The following DPM1 variants were observed in gnomAD, a reference collection of about 807,000 sequenced individuals.
DPM1 encodes the protein dolichyl-phosphate mannosyltransferase subunit 1, catalytic, also known as dolichol-phosphate mannosyltransferase subunit 1.
DPM1 carries 27 observed loss-of-function variants against 39.0 expected under a neutral mutation model. The ratio of observed to expected loss-of-function variants is 0.69; its 90% confidence interval spans 0.51 to 0.95. The LOEUF (loss-of-function observed/expected upper bound fraction) is 0.95. Ranked by LOEUF, DPM1 falls within the 40% of genes least tolerant of loss-of-function variation. The pLI, the probability that DPM1 is intolerant of heterozygous loss-of-function variation, is 0.00. For missense variants in DPM1, 307 were observed against 315.6 expected (o/e 0.97, Z 0.21); for synonymous variants, 124 against 109.0 (o/e 1.14, Z -0.86).
At chr20:50,955,752 A>G (rs1259920484) in intron 1 of DPM1, among the ~76,000 whole-genome samples, 1 of 152,046 alleles carries the variant, frequency 6.6e-6, no homozygotes, top group Non-Finnish European at 1.5e-5. Context: ...TTTAGTAGAG[A>G]CGGGGTTTCA....
intron 2 of DPM1, among the ~76,000 whole-genome samples, chr20:50,949,363 C>A (rs1285294755): frequency 6.6e-6 from 1 of 152,042 alleles, no homozygotes; most frequent in Admixed American, 6.6e-5. Flanking sequence ...TCTCGATTCC[C>A]TTTGGGTTTT....
intron 3 of DPM1, among the ~76,000 whole-genome samples, chr20:50,946,951 G>A (rs570791705): frequency 1.3e-5 from 2 of 152,322 alleles, no homozygotes; most frequent in East Asian, 3.9e-4. Flanking sequence ...GCTCACGCTT[G>A]TAATCCCAGC....
At chr20:50,950,824 A>G (rs1481014849) in intron 2 of DPM1, among the ~76,000 whole-genome samples, 1 of 152,154 alleles carries the variant, frequency 6.6e-6, no homozygotes, top group Non-Finnish European at 1.5e-5. Context: ...AGCTGAGATC[A>G]CACCACAGCA....
chr20:50,947,389 A>G (rs1747345956), intron 3 of DPM1, among the ~76,000 whole-genome samples: 1 of 152,172 alleles, frequency 6.6e-6, no homozygotes, highest in Non-Finnish European at 1.5e-5. Flanking sequence ...AGGAGTGAAT[A>G]TTTACACTTT....
intron 3 of DPM1, among the ~76,000 whole-genome samples, chr20:50,948,109 C>T (rs1347342744): frequency 5.3e-5 from 8 of 152,134 alleles, no homozygotes; most frequent in Admixed American, 3.9e-4. Context: ...TTGGGAGGTA[C>T]AGGTGGAAGA....
intron 1 of DPM1, among the ~76,000 whole-genome samples, chr20:50,956,871 A>G (rs1322262319): frequency 6.6e-6 from 1 of 152,226 alleles, no homozygotes; most frequent in African/African-American, 2.4e-5. Context: ...AGGCAGCTCA[A>G]AGGTACCAAG....
chr20:50,939,228 A>G (rs1985491394), intron 7 of DPM1, among the ~76,000 whole-genome samples: 1 of 152,072 alleles, frequency 6.6e-6, no homozygotes, highest in Non-Finnish European at 1.5e-5. Context: ...ACTAGTTACC[A>G]GTTACCCTAG....
At chr20:50,943,283 C>T (rs1341237228) in intron 5 of DPM1, among the ~76,000 whole-genome samples, 1 of 152,254 alleles carries the variant, frequency 6.6e-6, no homozygotes, top group Non-Finnish European at 1.5e-5. Flanking sequence ...ATATTCAACT[C>T]ACACACCTCT....
rs756104891 is a variant in DPM1, at chr20:50,958,516, G to A, written c.8C>T (p.Ser3Phe). The A allele has an allele frequency of 6.8e-6, 11 of 1,613,736 alleles. No homozygotes were observed. In the South Asian group the frequency reaches 7.7e-5, roughly 11 times the overall value. Residue 3 changes from serine to phenylalanine, a missense_variant, in exon 1 of 9, where the codon TCC becomes TTC. Physicochemically the swap from Ser to Phe is radical, Grantham distance 155. This residue lies in a region of DPM1 where 206 missense variants were observed against 188.2 expected (regional missense o/e 1.09). Transcript: ENST00000371588. MA[S>F]LEVSRSPRRS... The stretch of plus-strand genomic sequence containing the variant: ...GCGAGGACTACGACTGACTTCCAAG[G>A]AGGCCATGGCGGAACTGAGCCAGAT...
Position 50,958,507 on chromosome 20 carries a change from A to T in DPM1, c.17T>A (p.Val6Asp), listed in dbSNP as rs1986968088. The change falls in exon 1 of 9, where the codon GTC becomes GAC. Residue 6 changes from valine (V) to aspartate (D), a missense_variant. Around this residue, in one of 3 missense-constraint regions of DPM1, gnomAD observed 206 missense variants for 188.2 expected, o/e 1.09. Transcript: ENST00000371588. The part of the protein sequence containing the change: MASLE[V>D]SRSPRRSRRE... ...CCGAGACCTGCGAGGACTACGACTG[A>T]CTTCCAAGGAGGCCATGGCGGAACT... 9 of 1,613,418 alleles carry T rather than the reference A, an allele frequency of 5.6e-6. No homozygotes were observed. Among genetic ancestry groups the T allele is most frequent in the Non-Finnish European group, 7.6e-6 (9 of 1,179,934 alleles).
chr20:50,948,617 T>C lies in DPM1; in HGVS notation c.295+12A>G. ...GCAGCAGGTGTGAGGGGTTAGAGAT[T>C]ACACGACTTACCTAGTCCCAACTTT... On this transcript the variant is annotated intron_variant, in intron 3 of 8. Coordinates refer to ENST00000371588, the MANE Select transcript of DPM1 (RefSeq NM_003859.3). 1 of 1,613,666 alleles carries C rather than the reference T, an allele frequency of 6.2e-7. No individual in the cohort carries two copies. Among genetic ancestry groups the C allele is most frequent in the Non-Finnish European group, 8.5e-7 (1 of 1,179,554 alleles).
Position 50,935,363 on chromosome 20 carries a change from A to G in DPM1, c.679-127T>C, listed in dbSNP as rs1379908581. 12 of 669,976 alleles carry G rather than the reference A, an allele frequency of 1.8e-5. 1 individual carries two copies. The East Asian group carries it at 3.1e-4, about 17-fold the overall frequency. 41.5% of individuals were successfully genotyped at this position (669,976 alleles called of 1,614,324 possible). On this transcript the variant is annotated intron_variant, in intron 8 of 8. Transcript: ENST00000371588. ...AACAGAGGTCCTTAAAGTAAGTATA[A>G]AATTAGGGGATTATGAAAGCAACTG...
intron 8 of DPM1, 137 bp downstream of exon 8, chr20:50,936,011 G>A (rs894507127): frequency 1.5e-5 from 10 of 677,556 alleles, no homozygotes; most frequent in Non-Finnish European, 2.7e-5. Context: ...TTTACCCTTT[G>A]TGCATGAATA....
chr20:50,956,763 T>C (rs1208410322), intron 1 of DPM1, among the ~76,000 whole-genome samples: 2 of 152,184 alleles, frequency 1.3e-5, no homozygotes, highest in African/African-American at 4.8e-5. Context: ...GTGATTTTAA[T>C]AGACGTGCTG....
chr20:50,947,020 C>T (rs1038435676), intron 3 of DPM1, among the ~76,000 whole-genome samples: 1 of 152,174 alleles, frequency 6.6e-6, no homozygotes, highest in Admixed American at 6.5e-5. Flanking sequence ...ACCAGCCTGA[C>T]CAACATGGAG....
At chr20:50,950,375 A>G (rs922977858) in intron 2 of DPM1, among the ~76,000 whole-genome samples, 14 of 152,228 alleles carry the variant, frequency 9.2e-5, no homozygotes, top group African/African-American at 3.4e-4. Context: ...CATTCAAATA[A>G]GCATCTATGA....
intron 1 of DPM1, among the ~76,000 whole-genome samples, chr20:50,956,836 A>C (rs1197325277): frequency 6.6e-6 from 1 of 152,230 alleles, no homozygotes; most frequent in East Asian, 1.9e-4. Flanking sequence ...CTACCACTTC[A>C]AAGCAGCTAC....
At chr20:50,958,277 G>A in intron 1 of DPM1, 86 bp downstream of exon 1, 6 of 1,556,656 alleles carry the variant, frequency 3.9e-6, no homozygotes, top group Admixed American at 1.8e-5. Context: ...GGCTGGACAG[G>A]GCCGCTTCGC....
At chr20:50,935,707 C>T (rs1441957392) in intron 8 of DPM1, among the ~76,000 whole-genome samples, 1 of 152,156 alleles carries the variant, frequency 6.6e-6, no homozygotes, top group East Asian at 1.9e-4. Context: ...CTTCCCTACC[C>T]TAAGAGCTCA....
Sources: allele counts gnomAD v4.1 joint callset (sites outside exome capture counted in the v4.1 genomes callset), GRCh38; gene constraint gnomAD v4.1.1; regional missense constraint gnomAD v4.1.1; transcripts MANE v1.5; gene names NCBI Gene and HGNC (gene_info 2026-07-23, HGNC 2026-07-21).